The following GLIS3 variants were observed in gnomAD, a reference collection of about 807,000 sequenced individuals.
GLIS3 encodes the protein GLIS family zinc finger 3.
A neutral mutation model predicts 78.6 loss-of-function variants in GLIS3; 53 were observed. The observed-to-expected ratio is 0.67, with a 90% CI of 0.54 to 0.85. GLIS3 has a LOEUF of 0.85. Among genes scored for constraint, GLIS3 ranks in the 40% least tolerant of loss-of-function variants. GLIS3 has a pLI of 0.00. For missense variants in GLIS3, 1,703 were observed against 1,231.1 expected, an observed-to-expected ratio of 1.38 and a Z score of -5.74; for synonymous variants, 684 against 509.9, an observed-to-expected ratio of 1.34 and a Z score of -4.60.
chr9:4,154,205 A>T (rs1459588475), intron 2 of GLIS3, among the ~76,000 whole-genome samples: 1 of 152,188 alleles, frequency 6.6e-6, no homozygotes, highest in Non-Finnish European at 1.5e-5. Flanking sequence ...TAATTGGCCC[A>T]AACAGTCTTG....
intron 6 of GLIS3, among the ~76,000 whole-genome samples, chr9:3,899,522 TG>T (rs996075449): frequency 2.0e-5 from 3 of 151,178 alleles, no homozygotes; most frequent in African/African-American, 4.9e-5. Flanking sequence ...GTAATTGAAA[TG>T]GAAAAAAAAA....
At chr9:4,458,682 G>C in the GLIS3 span, among the ~76,000 whole-genome samples, 5 of 152,156 alleles carry the variant, frequency 3.3e-5, no homozygotes, top group South Asian at 1.0e-3. Flanking sequence ...CAGCTACTCG[G>C]GACTACTCGG....
chr9:3,953,768 T>TATATA (rs140729469), intron 4 of GLIS3, among the ~76,000 whole-genome samples: 1 of 35,860 alleles, frequency 2.8e-5, no homozygotes, highest in African/African-American at 1.2e-4. Context: ...TTGCTCTCTC[T>TATATA]CTCTCTCTCT....
At chr9:4,461,202 G>T in the GLIS3 span, among the ~76,000 whole-genome samples, 1 of 152,184 alleles carries the variant, frequency 6.6e-6, no homozygotes, top group Non-Finnish European at 1.5e-5. Context: ...AATTAAGTTT[G>T]TATCAGGTGG....
At chr9:3,855,896 C>T in intron 9 of GLIS3, 113 bp downstream of exon 9, 1 of 1,175,238 alleles carries the variant, frequency 8.5e-7, no homozygotes, top group Non-Finnish European at 1.3e-6. Context: ...GTCATGAAAG[C>T]CTAAGCCTGG....
chr9:4,104,218 C>A (rs1290728570), intron 4 of GLIS3, among the ~76,000 whole-genome samples: 1 of 152,090 alleles, frequency 6.6e-6, no homozygotes. Flanking sequence ...CTTAACAAGT[C>A]CAAAATCAAC....
chr9:3,865,131 T>C (rs1189074607), intron 8 of GLIS3, among the ~76,000 whole-genome samples: 1 of 152,122 alleles, frequency 6.6e-6, no homozygotes, highest in Non-Finnish European at 1.5e-5. Context: ...AAACAGAAAT[T>C]TTTTCTCCTT....
At chr9:4,065,339 G>A (rs968370760) in intron 4 of GLIS3, among the ~76,000 whole-genome samples, 22 of 152,160 alleles carry the variant, frequency 1.4e-4, no homozygotes, top group African/African-American at 3.9e-4. Flanking sequence ...ACTGGAAAGG[G>A]TTATTTTTTA....
intron 1 of GLIS3, among the ~76,000 whole-genome samples, chr9:4,293,875 A>C (rs1006084186): frequency 6.6e-6 from 1 of 152,260 alleles, no homozygotes. Context: ...TGAAGAGATC[A>C]TGTCAGACAA....
At chr9:4,250,992 C>G (rs886123367) in intron 2 of GLIS3, among the ~76,000 whole-genome samples, 1 of 151,896 alleles carries the variant, frequency 6.6e-6, no homozygotes, top group Non-Finnish European at 1.5e-5. Flanking sequence ...GATTTCCATT[C>G]TTTTGCATTT....
chr9:3,993,363 G>A (rs991006983), intron 4 of GLIS3, among the ~76,000 whole-genome samples: 2 of 152,044 alleles, frequency 1.3e-5, no homozygotes, highest in African/African-American at 4.8e-5. Flanking sequence ...TTTAAAAGTA[G>A]CTTATTTTCT....
chr9:4,489,058 G>A, the GLIS3 span, among the ~76,000 whole-genome samples: 4 of 152,082 alleles, frequency 2.6e-5, no homozygotes, highest in East Asian at 7.7e-4. Flanking sequence ...TAGCAGAGAC[G>A]GGGTTTCACT....
chr9:4,042,252 T>A (rs1462585466), intron 4 of GLIS3, among the ~76,000 whole-genome samples: 1 of 152,188 alleles, frequency 6.6e-6, no homozygotes, highest in Non-Finnish European at 1.5e-5. Context: ...TGGCCAGCCT[T>A]GATTCTTCAT....
chr9:4,321,461 A>AAAAAAAAAAAAT (rs1563932116), intron 2 of GLIS3, among the ~76,000 whole-genome samples: 1 of 141,006 alleles, frequency 7.1e-6, no homozygotes, highest in African/African-American at 2.7e-5. Flanking sequence ...AAAAAAAAAA[A>AAAAAAAAAAAAT]AATCAGGTGC....
chr9:4,076,796 C>A (rs911074268), intron 4 of GLIS3, among the ~76,000 whole-genome samples: 1 of 152,178 alleles, frequency 6.6e-6, no homozygotes, highest in African/African-American at 2.4e-5. Context: ...GGGGCTCACA[C>A]CTGCAATCTC....
chr9:4,209,495 C>A (rs895172750), intron 2 of GLIS3, among the ~76,000 whole-genome samples: 1 of 152,178 alleles, frequency 6.6e-6, no homozygotes, highest in Non-Finnish European at 1.5e-5. Context: ...TCAAGATGGA[C>A]TTCCTTTTCC....
intron 3 of GLIS3, among the ~76,000 whole-genome samples, chr9:4,122,737 G>A (rs767911463): frequency 2.1e-4 from 32 of 152,222 alleles, no homozygotes; most frequent in Non-Finnish European, 3.7e-4. Flanking sequence ...CCATGCAGGT[G>A]GCATCTGAGT....
chr9:4,187,407 T>C (rs1817907087), intron 2 of GLIS3, among the ~76,000 whole-genome samples: 1 of 152,186 alleles, frequency 6.6e-6, no homozygotes, highest in African/African-American at 2.4e-5. Context: ...AGCCTTGTAG[T>C]ATAGTTTGAA....
the GLIS3 span, among the ~76,000 whole-genome samples, chr9:4,353,939 T>G: frequency 1.3e-5 from 2 of 151,698 alleles, no homozygotes; most frequent in African/African-American, 4.8e-5. Flanking sequence ...GCCATTCTCC[T>G]GCCTCAGCCT....
Sources: allele counts gnomAD v4.1 joint callset (sites outside exome capture counted in the v4.1 genomes callset), GRCh38; gene constraint gnomAD v4.1.1; transcripts MANE v1.5; gene names NCBI Gene and HGNC (gene_info 2026-07-23, HGNC 2026-07-21).